Variants in RIMS2 observed in about 807,000 individuals in gnomAD.
RIMS2 encodes regulating synaptic membrane exocytosis 2, also known as regulating synaptic membrane exocytosis protein 2.
RIMS2 carries 59 observed loss-of-function variants against 174.4 expected under a neutral mutation model. The ratio of observed to expected loss-of-function variants is 0.34; its 90% CI spans 0.27 to 0.42. The LOEUF is 0.42. Among genes scored for constraint, RIMS2 ranks in the 10% least tolerant of loss-of-function variants. The probability of loss-of-function intolerance (pLI) is 1.00; values close to 1 mark genes in which losing one functional copy is unlikely to be tolerated. For synonymous variants in RIMS2, 606 were observed against 572.5 expected (o/e 1.06, Z -0.84); for missense variants, 1,620 against 1,666.3 (o/e 0.97, Z 0.48).
intron 1 of RIMS2, among the ~76,000 whole-genome samples, chr8:103,621,331 G>T (rs1369721420): frequency 6.6e-6 from 1 of 152,180 alleles, no homozygotes; most frequent in Non-Finnish European, 1.5e-5. Context: ...TGGCTGGAAC[G>T]GGACCTCACA....
intron 1 of RIMS2, among the ~76,000 whole-genome samples, chr8:103,550,213 A>C (rs538995352): frequency 1.3e-5 from 2 of 152,254 alleles, no homozygotes; most frequent in South Asian, 4.2e-4. Flanking sequence ...GGAGTAAAGC[A>C]CTCCTCAGCA....
chr8:103,516,413 A>G lies in RIMS2; in HGVS notation c.176+15351A>G, dbSNP rs1376754775. 2.0e-5 allele frequency among the ~76,000 whole-genome samples: 3 copies of G among 152,078 alleles called. No homozygotes were observed. The East Asian group carries it at 5.8e-4, about 29-fold the overall frequency. On this transcript the variant is annotated intron_variant, in intron 1 of 23. Coordinates refer to ENST00000504942, the Ensembl canonical transcript of RIMS2. ...AAAAAAGTCTGCAGTCCCTTTACTG[A>G]ACTTATTTAATTAAATTATGTTACA...
rs1444921945 is a variant in RIMS2, at chr8:103,576,594, A to G, written c.176+75532A>G. On this transcript the variant is annotated intron_variant, in intron 1 of 23. Transcript: ENST00000504942. ...GATCTCCAAGATAACATATAAAAAC[A>G]AAAAAAGAGCCCATATAACCAAGAC... Among the ~76,000 whole-genome samples the G allele has an allele frequency of 3.9e-5, 6 of 152,092 alleles. No individual in the cohort carries two copies. The East Asian group carries it at 9.6e-4, about 24-fold the overall frequency.
intron 3 of RIMS2, among the ~76,000 whole-genome samples, chr8:103,874,866 A>G (rs2099128338): frequency 6.6e-6 from 1 of 152,010 alleles, no homozygotes; most frequent in Admixed American, 6.6e-5. Context: ...AAATTTAACA[A>G]CCTTCTTTCA....
chr8:103,631,160 A>G (rs976282949), intron 1 of RIMS2, among the ~76,000 whole-genome samples: 5 of 152,182 alleles, frequency 3.3e-5, no homozygotes, highest in African/African-American at 1.2e-4. Flanking sequence ...TTTTGTTGCA[A>G]TTCCTTTGGT....
intron 4 of RIMS2, among the ~76,000 whole-genome samples, chr8:103,887,404 C>T (rs182819637): frequency 1.3e-5 from 2 of 151,538 alleles, no homozygotes; most frequent in South Asian, 2.1e-4. Context: ...TTTAATGTAT[C>T]TAAACCTTTG....
intron 19 of RIMS2, among the ~76,000 whole-genome samples, chr8:104,118,925 G>T (rs1423384839): frequency 6.6e-6 from 1 of 151,954 alleles, no homozygotes; most frequent in Non-Finnish European, 1.5e-5. Context: ...CATCATGAGG[G>T]CTCCACCCTT....
At chr8:103,509,277 G>A (rs183083836) in intron 1 of RIMS2, among the ~76,000 whole-genome samples, 96 of 152,144 alleles carry the variant, frequency 6.3e-4, no homozygotes, top group Admixed American at 1.2e-3. Context: ...TTCACACCAT[G>A]TAATCTTTTC....
At chr8:103,633,271 T>C (rs9772699) in intron 1 of RIMS2, among the ~76,000 whole-genome samples, 26,954 of 149,940 alleles carry the variant, frequency 0.18, 2,692 homozygotes, top group African/African-American at 0.25. Context: ...GGTCTCAAAC[T>C]CCTGACCTCA....
At chr8:103,640,693 T>G (rs969961700) in intron 1 of RIMS2, among the ~76,000 whole-genome samples, 2 of 152,096 alleles carry the variant, frequency 1.3e-5, no homozygotes, top group African/African-American at 4.8e-5. Flanking sequence ...ATTTATAATT[T>G]AGTTCCTCTG....
intron 19 of RIMS2, among the ~76,000 whole-genome samples, chr8:104,067,859 C>T (rs764475918): frequency 7.2e-5 from 11 of 152,098 alleles, no homozygotes; most frequent in African/African-American, 1.9e-4. Context: ...AGAGGCTTAC[C>T]GTCTTGCTTT....
chr8:104,218,046 C>T lies in RIMS2; in HGVS notation c.3335-26870C>T, dbSNP rs139653848. ...AAGTCACAGTCACAGGTAATTGATA[C>T]CAGTTGTGAAAACTAATATCGTATC... On this transcript the variant is annotated intron_variant, in intron 19 of 23. Transcript: ENST00000504942. Among the ~76,000 whole-genome samples the T allele has an allele frequency of 6.5e-4, 99 of 152,282 alleles. 1 individual carries two copies. Among genetic ancestry groups the T allele is most frequent in the African/African-American group, 2.3e-3 (95 of 41,548 alleles).
At chr8:103,901,064 C>T (rs2132643) in intron 4 of RIMS2, among the ~76,000 whole-genome samples, 20,228 of 152,088 alleles carry the variant, frequency 0.13, 1,838 homozygotes, top group Non-Finnish European at 0.2. Context: ...ATAATAATGG[C>T]ATACTCACTA....
At chr8:104,228,838 T>C (rs2099206495) in intron 19 of RIMS2, among the ~76,000 whole-genome samples, 1 of 152,230 alleles carries the variant, frequency 6.6e-6, no homozygotes, top group African/African-American at 2.4e-5. Flanking sequence ...TCATACCTTG[T>C]TCAAAAATAG....
intron 11 of RIMS2, among the ~76,000 whole-genome samples, chr8:103,930,785 T>C (rs2079768412): frequency 6.6e-6 from 1 of 152,146 alleles, no homozygotes; most frequent in Admixed American, 6.6e-5. Context: ...TTGCCTATAA[T>C]ATTTTAAATG....
At chr8:103,774,831 T>C (rs1268165969) in intron 3 of RIMS2, among the ~76,000 whole-genome samples, 1 of 152,154 alleles carries the variant, frequency 6.6e-6, no homozygotes, top group African/African-American at 2.4e-5. Flanking sequence ...CTGGGTGATG[T>C]ATTTGTCAGT....
chr8:103,697,272 T>C, exon 2 of RIMS2: 1 of 1,613,274 alleles, frequency 6.2e-7, no homozygotes, highest in Non-Finnish European at 8.5e-7. Context: ...GTTGTGGAGG[T>C]CGAGTGTCAT....
chr8:103,811,563 G>A (rs2098687948), intron 3 of RIMS2, among the ~76,000 whole-genome samples: 1 of 152,006 alleles, frequency 6.6e-6, no homozygotes, highest in African/African-American at 2.4e-5. Flanking sequence ...TCCTGCCTCA[G>A]CCTCCCGAGT....
At chr8:103,858,599 G>A (rs2099040672) in intron 3 of RIMS2, among the ~76,000 whole-genome samples, 1 of 151,276 alleles carries the variant, frequency 6.6e-6, no homozygotes, top group African/African-American at 2.4e-5. Flanking sequence ...ATATGTGTGT[G>A]TGTCTGTGTG....
Sources: gnomAD v4.1 joint callset for allele counts (sites outside exome capture counted in the v4.1 genomes callset) on GRCh38, gnomAD v4.1.1 for gene constraint, MANE v1.5 for transcripts, NCBI Gene and HGNC (gene_info 2026-07-23, HGNC 2026-07-21) for gene names.